The following CDH18 variants were observed in gnomAD, a reference collection of about 807,000 sequenced individuals.
CDH18 encodes the protein cadherin-18.
In CDH18, 31 loss-of-function variants were observed where a neutral mutation model predicts 67.9. The observed-to-expected ratio is 0.46, with a 90% CI of 0.34 to 0.62. The LOEUF is 0.62. CDH18 is among the 20% of genes least tolerant of loss of function. The pLI is 0.01. For missense variants in CDH18, 890 were observed against 975.5 expected (o/e 0.91, Z 1.17); for synonymous variants, 362 against 347.2 (o/e 1.04, Z -0.48).
intron 4 of CDH18, among the ~76,000 whole-genome samples, chr5:19,731,722 T>C (rs987015055): frequency 1.3e-5 from 2 of 152,188 alleles, no homozygotes; most frequent in Non-Finnish European, 2.9e-5. Flanking sequence ...ATGTGTGACA[T>C]GTTTTAGAAA....
At chr5:20,402,794 A>G (rs1352953744) in intron 1 of CDH18, among the ~76,000 whole-genome samples, 1 of 151,960 alleles carries the variant, frequency 6.6e-6, no homozygotes, top group East Asian at 1.9e-4. Context: ...TAAAATACCC[A>G]CTACTCGGGA....
chr5:19,521,837 C>T (rs887267161), intron 9 of CDH18, among the ~76,000 whole-genome samples: 2 of 151,830 alleles, frequency 1.3e-5, no homozygotes, highest in African/African-American at 4.8e-5. Flanking sequence ...CTTAAAGTAA[C>T]AGGTAATTAC....
chr5:19,731,716 G>A (rs1767621342), intron 4 of CDH18, among the ~76,000 whole-genome samples: 1 of 152,128 alleles, frequency 6.6e-6, no homozygotes, highest in Non-Finnish European at 1.5e-5. Flanking sequence ...TCTCTAATGT[G>A]TGACATGTTT....
At chr5:19,951,989 A>G (rs984988409) in intron 2 of CDH18, among the ~76,000 whole-genome samples, 11 of 152,148 alleles carry the variant, frequency 7.2e-5, no homozygotes, top group Non-Finnish European at 1.5e-4. Flanking sequence ...ACTGTATCTG[A>G]AAAGATCCTT....
At chr5:20,462,554 C>A (rs1035799787) in intron 1 of CDH18, among the ~76,000 whole-genome samples, 5 of 152,146 alleles carry the variant, frequency 3.3e-5, no homozygotes, top group African/African-American at 1.2e-4. Context: ...ACCCCAAATA[C>A]CCTGACTTGA....
chr5:19,849,921 T>C lies in CDH18; in HGVS notation c.-256-10679A>G, dbSNP rs76242171. Reference sequence around the variant, plus strand: ...GAGTTGAAGATACTAAGATATAGCATTGAAGTCATTTGTCTCAGATGAAAT... The same window carrying C: ...GAGTTGAAGATACTAAGATATAGCACTGAAGTCATTTGTCTCAGATGAAAT... On this transcript the variant is annotated intron_variant, in intron 2 of 12. Transcript: ENST00000382275. Among the ~76,000 whole-genome samples, 1,382 of 151,782 alleles carry C rather than the reference T, an allele frequency of 9.1e-3. 22 individuals carry two copies. The highest frequency in any genetic ancestry group is 0.031 in the African/African-American group (1,292 of 41,448).
At chr5:20,217,874 C>T (rs1162772957) in intron 2 of CDH18, among the ~76,000 whole-genome samples, 2 of 151,670 alleles carry the variant, frequency 1.3e-5, no homozygotes, top group Non-Finnish European at 2.9e-5. Context: ...CTACTTATAA[C>T]AGACAAAATA....
chr5:20,508,301 TTACA>T (rs1400883933), intron 1 of CDH18, among the ~76,000 whole-genome samples: 2 of 139,802 alleles, frequency 1.4e-5, no homozygotes, highest in African/African-American at 5.1e-5. Context: ...ACCTAACACC[TTACA>T]TAGTTTTATG....
At chr5:20,207,719 A>G (rs1431527294) in intron 2 of CDH18, among the ~76,000 whole-genome samples, 5 of 152,134 alleles carry the variant, frequency 3.3e-5, no homozygotes, top group African/African-American at 7.2e-5. Flanking sequence ...GAGCTACAAG[A>G]TGAGATTTGG....
intron 1 of CDH18, among the ~76,000 whole-genome samples, chr5:20,320,549 C>G (rs1242465637): frequency 2.6e-5 from 4 of 152,184 alleles, no homozygotes; most frequent in South Asian, 4.1e-4. Flanking sequence ...TCTAGTCACT[C>G]TCTTTCTAAA....
At chr5:19,781,851 AT>A (rs965511156) in intron 3 of CDH18, among the ~76,000 whole-genome samples, 5 of 152,112 alleles carry the variant, frequency 3.3e-5, no homozygotes, top group Admixed American at 2.0e-4. Flanking sequence ...GACATCCATA[AT>A]TTTTGGATAA....
At chr5:20,026,797 A>C (rs1396433866) in intron 2 of CDH18, among the ~76,000 whole-genome samples, 1 of 152,108 alleles carries the variant, frequency 6.6e-6, no homozygotes. Context: ...TCTCTACTAA[A>C]AATACAAAAA....
intron 4 of CDH18, among the ~76,000 whole-genome samples, chr5:19,731,811 T>C (rs1217091831): frequency 1.3e-5 from 2 of 152,042 alleles, no homozygotes; most frequent in Non-Finnish European, 2.9e-5. Context: ...AATGCATGAG[T>C]CTGCATGGTG....
rs540561992 is a variant in CDH18, at chr5:19,978,758, G to A, written c.-257+2302C>T. On this transcript the variant is annotated intron_variant, in intron 2 of 12. Coordinates refer to ENST00000382275, the MANE Select transcript of CDH18 (RefSeq NM_004934.5). ...AAATCAGACTGAGTCCTTCTCACATGATCACTGTGTCCTCCTCTCTTCCTC... is the reference window on the plus strand; with the variant it reads ...AAATCAGACTGAGTCCTTCTCACATAATCACTGTGTCCTCCTCTCTTCCTC... Among the ~76,000 whole-genome samples, 3 of 152,174 alleles carry A rather than the reference G, an allele frequency of 2.0e-5. No homozygotes were observed. In the South Asian group the frequency reaches 6.2e-4, roughly 32 times the overall value.
intron 1 of CDH18, among the ~76,000 whole-genome samples, chr5:20,435,790 T>C (rs1174313027): frequency 6.6e-6 from 1 of 152,060 alleles, no homozygotes; most frequent in African/African-American, 2.4e-5. Flanking sequence ...CTGTCACAAG[T>C]ATCTGTGAGA....
Position 19,626,461 on chromosome 5 carries a change from G to T in CDH18, c.644-13860C>A, listed in dbSNP as rs564260841. Among the ~76,000 whole-genome samples the T allele has an allele frequency of 1.1e-4, 17 of 152,254 alleles. No individual in the cohort carries two copies. The East Asian group carries it at 3.3e-3, about 29-fold the overall frequency. On this transcript the variant is annotated intron_variant, in intron 5 of 12. Coordinates refer to ENST00000382275, the MANE Select transcript of CDH18 (RefSeq NM_004934.5). ...GTGTGAGATCATGAAGAGTGGCCTT[G>T]GATTCCTTTATCCTGAGCACTATAA...
intron 2 of CDH18, among the ~76,000 whole-genome samples, chr5:20,166,887 G>C (rs560319902): frequency 6.6e-6 from 1 of 152,234 alleles, no homozygotes; most frequent in Admixed American, 6.5e-5. Context: ...TGCCCTTCTA[G>C]GGGACACTTC....
rs375392871 is a variant in CDH18 at position 20,512,714 on chromosome 5, T to C, written c.-580+62748A>G. 8.6e-5 allele frequency among the ~76,000 whole-genome samples: 13 copies of C among 152,004 alleles called. No homozygotes were observed. The East Asian group carries it at 2.5e-3, about 29-fold the overall frequency. ...GCCTGGCCAATATAGTGAAACCCCA[T>C]CTCTACTAAAAATACAAAAATTTGC... is the stretch of plus-strand genomic sequence containing the variant. On this transcript the variant is annotated intron_variant, in intron 1 of 14. Coordinates refer to the CDH18 transcript ENST00000507958.
chr5:20,286,289 G>A (rs981086474), intron 1 of CDH18, among the ~76,000 whole-genome samples: 1 of 151,492 alleles, frequency 6.6e-6, no homozygotes, highest in African/African-American at 2.4e-5. Flanking sequence ...TTAGTTAGGT[G>A]ATTTGTTACA....
Sources: allele counts gnomAD v4.1 joint callset (sites outside exome capture counted in the v4.1 genomes callset), GRCh38; gene constraint gnomAD v4.1.1; transcripts MANE v1.5; gene names NCBI Gene and HGNC (gene_info 2026-07-23, HGNC 2026-07-21).